The following SLC38A1 variants were observed in gnomAD, a reference collection of about 807,000 sequenced individuals.
SLC38A1 encodes sodium-coupled neutral amino acid symporter 1.
A neutral mutation model predicts 60.3 loss-of-function variants in SLC38A1; 18 were observed. The observed-to-expected ratio is 0.30, with a 90% CI of 0.21 to 0.44. The LOEUF is 0.44. Ranked by LOEUF, SLC38A1 falls within the 20% of genes least tolerant of loss-of-function variation. The probability of loss-of-function intolerance (pLI) is 1.00; values close to 1 mark genes in which losing one functional copy is unlikely to be tolerated. For missense variants in SLC38A1, 448 were observed against 587.2 expected, an observed-to-expected ratio of 0.76 and a Z score of 2.45; for synonymous variants, 196 against 212.1, an observed-to-expected ratio of 0.92 and a Z score of 0.66.
chr12:46,261,800 G>T (rs537023458), intron 1 of SLC38A1, among the ~76,000 whole-genome samples: 10 of 152,206 alleles, frequency 6.6e-5, no homozygotes, highest in Non-Finnish European at 1.2e-4. Context: ...GTCCAGAGAA[G>T]GAGTTGTATT....
In SLC38A1 at chr12:46,186,542, A is replaced by G. The variant is rs1382574983; in HGVS notation, c.*2428T>C. On this transcript the variant is annotated 3_prime_UTR_variant, in exon 17 of 17. Coordinates refer to ENST00000398637, the MANE Select transcript of SLC38A1 (RefSeq NM_030674.4). ...TAAGAATAAGAGCAGTATACTTTACAGCTAATCTCACACAAAGGATGTAAC... is the reference window on the plus strand; with the variant it reads ...TAAGAATAAGAGCAGTATACTTTACGGCTAATCTCACACAAAGGATGTAAC... 2 of 152,362 alleles carry G rather than the reference A, an allele frequency of 1.3e-5. No homozygotes were observed. Among genetic ancestry groups the G allele is most frequent in the South Asian group, 2.1e-4 (1 of 4,832 alleles). 9.4% of individuals were successfully genotyped at this position (152,362 alleles called of 1,614,324 possible).
At chr12:46,248,623 G>A (rs1482384775) in intron 1 of SLC38A1, among the ~76,000 whole-genome samples, 2 of 152,090 alleles carry the variant, frequency 1.3e-5, no homozygotes, top group Non-Finnish European at 2.9e-5. Context: ...GAGACAGAAG[G>A]TTAACAAGGA....
intron 1 of SLC38A1, among the ~76,000 whole-genome samples, chr12:46,248,922 C>T (rs1039348961): frequency 4.9e-4 from 75 of 152,054 alleles, no homozygotes; most frequent in South Asian, 1.9e-3. Context: ...TTTGGGAGGC[C>T]GAGGCGGGCA....
At chr12:46,251,032 G>A (rs1221532786) in intron 1 of SLC38A1, among the ~76,000 whole-genome samples, 1 of 152,136 alleles carries the variant, frequency 6.6e-6, no homozygotes, top group Non-Finnish European at 1.5e-5. Flanking sequence ...AGCCCACATT[G>A]CCAAGACAAT....
At chr12:46,249,203 A>C (rs1941745638) in intron 1 of SLC38A1, among the ~76,000 whole-genome samples, 1 of 150,994 alleles carries the variant, frequency 6.6e-6, no homozygotes, top group African/African-American at 2.4e-5. Flanking sequence ...GCACAACTAC[A>C]TGGAAACTGA....
chr12:46,194,590 T>C (rs181112154), intron 16 of SLC38A1, among the ~76,000 whole-genome samples: 94 of 152,378 alleles, frequency 6.2e-4, no homozygotes, highest in Admixed American at 2.2e-3. Context: ...ATATTTGGTC[T>C]TTTCACATAG....
chr12:46,196,187 G>A (rs564472994), intron 16 of SLC38A1: 1 of 1,536,052 alleles, frequency 6.5e-7, no homozygotes, highest in Non-Finnish European at 8.7e-7. Flanking sequence ...CCTTGCGCTT[G>A]AGCATGTTCA....
At chr12:46,196,839 C>A (rs187099964) in intron 16 of SLC38A1, among the ~76,000 whole-genome samples, 7 of 152,310 alleles carry the variant, frequency 4.6e-5, no homozygotes, top group Non-Finnish European at 8.8e-5. Flanking sequence ...TCCAAGTGCA[C>A]CACGTTCAAG....
Position 46,239,884 on chromosome 12 carries a change from C to G in SLC38A1, c.-84G>C. On this transcript the variant is annotated 5_prime_UTR_variant, in exon 3 of 17. Coordinates refer to ENST00000398637, the MANE Select transcript of SLC38A1 (RefSeq NM_030674.4). ...TTAGAAGTAGATACCAAAATGGAAG[C>G]TTGACACCCCTAAAATATAGCAAAA... 7.6e-7 allele frequency: 1 copy of G among 1,317,480 alleles called. No homozygotes were observed. The allele number at this position is 1,317,480 out of a possible 1,614,324, so 81.6% of individuals were successfully genotyped here.
rs555103632 is a variant in SLC38A1 at position 46,249,168 on chromosome 12, A to AAAAAAAAAAAAAAAAG, written c.-208-5855_-208-5854insCTTTTTTTTTTTTTTT. On this transcript the variant is annotated intron_variant, in intron 1 of 16. Transcript: ENST00000398637. ...GAGACTCCGCCTCAAAAAAAAAAAA[A>AAAAAAAAAAAAAAAAG]AAAAAAAGAAACTCACTCAAAACCG... Among the ~76,000 whole-genome samples the AAAAAAAAAAAAAAAAG allele has an allele frequency of 2.0e-4, 25 of 126,438 alleles. 1 individual carries two copies. Among genetic ancestry groups the AAAAAAAAAAAAAAAAG allele is most frequent in the Non-Finnish European group, 2.5e-4 (15 of 61,154 alleles). 82.9% of individuals were successfully genotyped at this position (126,438 alleles called of 152,430 possible).
intron 5 of SLC38A1, among the ~76,000 whole-genome samples, chr12:46,213,252 C>T (rs1182536195): frequency 1.3e-5 from 2 of 152,214 alleles, no homozygotes; most frequent in African/African-American, 4.8e-5. Flanking sequence ...ACGGCAACCA[C>T]ACACTTTTCA....
chr12:46,241,921 C>T (rs888860546), intron 2 of SLC38A1, among the ~76,000 whole-genome samples: 4 of 152,068 alleles, frequency 2.6e-5, no homozygotes, highest in African/African-American at 4.8e-5. Context: ...TTTCTCTCTA[C>T]AAAATGGAAG....
At chr12:46,220,263 C>G (rs902100483) in intron 5 of SLC38A1, among the ~76,000 whole-genome samples, 1 of 152,204 alleles carries the variant, frequency 6.6e-6, no homozygotes. Flanking sequence ...TGTTGGCAAG[C>G]CTGAATGTGC....
intron 1 of SLC38A1, among the ~76,000 whole-genome samples, chr12:46,266,094 C>T (rs747868710): frequency 1.3e-4 from 20 of 152,128 alleles, no homozygotes; most frequent in Non-Finnish European, 2.2e-4. Context: ...AGATATAGAA[C>T]GGAAGGGATG....
At chr12:46,212,564 G>T (rs1464848987) in intron 5 of SLC38A1, among the ~76,000 whole-genome samples, 2 of 152,220 alleles carry the variant, frequency 1.3e-5, no homozygotes, top group African/African-American at 4.8e-5. Flanking sequence ...AAGAGAGTTA[G>T]AATTGCGAAT....
chr12:46,227,776 A>G (rs1247558410), intron 5 of SLC38A1, among the ~76,000 whole-genome samples: 1 of 152,104 alleles, frequency 6.6e-6, no homozygotes, highest in Admixed American at 6.5e-5. Context: ...TTCTTGCACA[A>G]TTTCCTTGTT....
In SLC38A1 at chr12:46,229,250, A is replaced by C; in HGVS notation, c.217T>G (p.Leu73Val). 6.2e-7 allele frequency: 1 copy of C among 1,612,016 alleles called. No individual in the cohort carries two copies. The highest frequency in any genetic ancestry group is 8.5e-7 in the Non-Finnish European group (1 of 1,178,426). The part of the protein sequence containing the change: ...CDEYIPGTTS[L>V]GMSVFNLSNA... ...CTTAGGTTAAAAACAGACATGCCTA[A>C]GGAGGTTGTACCTGGAATCTGAACA... The change falls in exon 5 of 17, where the codon TTA (leucine) becomes GTA (valine). Residue 73 changes from leucine (L) to valine (V), a missense_variant. Leu to Val is a conservative substitution (Grantham distance 32, BLOSUM62 1). Around this residue, in one of 2 missense-constraint regions of SLC38A1, gnomAD observed 102 missense variants for 89.7 expected, o/e 1.14. Coordinates refer to ENST00000398637, the MANE Select transcript of SLC38A1 (RefSeq NM_030674.4).
chr12:46,213,824 G>A (rs982157271), intron 5 of SLC38A1, among the ~76,000 whole-genome samples: 3 of 152,172 alleles, frequency 2.0e-5, no homozygotes, highest in African/African-American at 7.2e-5. Flanking sequence ...GACAGACAAC[G>A]ACAGTTTAAT....
chr12:46,196,166 G>C, intron 16 of SLC38A1: 2 of 1,536,062 alleles, frequency 1.3e-6, no homozygotes, highest in Non-Finnish European at 1.7e-6. Flanking sequence ...GAGAACACAA[G>C]ATTATAAGTT....
Sources: gnomAD v4.1 joint callset for allele counts (sites outside exome capture counted in the v4.1 genomes callset) on GRCh38, gnomAD v4.1.1 for gene constraint, gnomAD v4.1.1 regional missense constraint, MANE v1.5 for transcripts, NCBI Gene and HGNC (gene_info 2026-07-23, HGNC 2026-07-21) for gene names.